The following PDS5A variants were observed in gnomAD, a reference collection of about 807,000 sequenced individuals.
The protein encoded by PDS5A is PDS5 cohesin associated factor A.
PDS5A carries 42 observed loss-of-function variants against 167.1 expected under a neutral mutation model. The observed-to-expected ratio is 0.25, with a 90% CI of 0.20 to 0.33. The LOEUF (loss-of-function observed/expected upper bound fraction) is 0.33. Ranked by LOEUF, PDS5A falls within the 10% of genes least tolerant of loss-of-function variation. PDS5A has a pLI of 1.00. For synonymous variants in PDS5A, 553 were observed against 554.6 expected, an observed-to-expected ratio of 1.00 and a Z score of 0.04; for missense variants, 1,033 against 1,605.9, an observed-to-expected ratio of 0.64 and a Z score of 6.10.
chr4:39,907,277 C>T (rs985332700), intron 11 of PDS5A, among the ~76,000 whole-genome samples: 2 of 152,008 alleles, frequency 1.3e-5, no homozygotes, highest in Non-Finnish European at 2.9e-5. Flanking sequence ...AGGTATCTGC[C>T]TTTTTTTAAA....
At chr4:39,882,983 G>T (rs1409564155) in intron 17 of PDS5A, among the ~76,000 whole-genome samples, 3 of 152,106 alleles carry the variant, frequency 2.0e-5, no homozygotes, top group African/African-American at 4.8e-5. Context: ...AGGAAGAGTA[G>T]TAATGGACGC....
chr4:39,856,724 G>A (rs958495280), intron 26 of PDS5A, among the ~76,000 whole-genome samples: 1 of 152,042 alleles, frequency 6.6e-6, no homozygotes, highest in Admixed American at 6.5e-5. Context: ...GCTGAGGCAG[G>A]AGAATTGCTT....
intron 17 of PDS5A, among the ~76,000 whole-genome samples, chr4:39,888,447 T>C (rs1462302922): frequency 1.3e-5 from 2 of 152,020 alleles, no homozygotes; most frequent in Non-Finnish European, 2.9e-5. Flanking sequence ...CTACTGGGTA[T>C]ATATTTTTTA....
chr4:39,910,431 A>C (rs1233011297), intron 9 of PDS5A, 93 bp from the exon 10 acceptor site: 1 of 654,678 alleles, frequency 1.5e-6, no homozygotes, highest in Non-Finnish European at 2.7e-6. Context: ...TATACGCAAC[A>C]ATAGTTACTG....
At chr4:39,885,041 T>C (rs372254964) in intron 17 of PDS5A, among the ~76,000 whole-genome samples, 6 of 151,906 alleles carry the variant, frequency 3.9e-5, no homozygotes, top group Non-Finnish European at 7.4e-5. Flanking sequence ...GGTGGGCAGA[T>C]TGCTTGAGCA....
chr4:39,907,189 G>C (rs372537814), intron 11 of PDS5A, among the ~76,000 whole-genome samples: 34 of 152,244 alleles, frequency 2.2e-4, no homozygotes, highest in African/African-American at 7.2e-4. Flanking sequence ...ACTAGGGAGA[G>C]AGTCATTTCA....
chr4:39,880,752 G>A (rs1282885137), intron 17 of PDS5A, among the ~76,000 whole-genome samples: 1 of 152,188 alleles, frequency 6.6e-6, no homozygotes, highest in Non-Finnish European at 1.5e-5. Context: ...ATCAGATCAG[G>A]ATAATTAACA....
intron 2 of PDS5A, among the ~76,000 whole-genome samples, chr4:39,941,153 T>G (rs914587791): frequency 6.6e-6 from 1 of 152,256 alleles, no homozygotes; most frequent in African/African-American, 2.4e-5. Flanking sequence ...TACTTGCTTA[T>G]TCTGTCTTTC....
At chr4:39,856,293 T>C (rs182952003) in intron 26 of PDS5A, among the ~76,000 whole-genome samples, 297 of 152,198 alleles carry the variant, frequency 2.0e-3, no homozygotes, top group African/African-American at 7.0e-3. Flanking sequence ...AAAGACAAAA[T>C]CAAAACATTT....
intron 5 of PDS5A, among the ~76,000 whole-genome samples, chr4:39,923,761 A>G (rs34542636): frequency 2.0e-5 from 3 of 152,304 alleles, no homozygotes; most frequent in Admixed American, 6.5e-5. Flanking sequence ...AAAAAAGTAT[A>G]CAATAATAAA....
rs979637804 is a variant in PDS5A, at chr4:39,902,329, A to G, written c.1499+18T>C. 2.7e-6 allele frequency: 3 copies of G among 1,116,846 alleles called. No individual in the cohort carries two copies. The highest frequency in any genetic ancestry group is 4.0e-6 in the Non-Finnish European group (3 of 749,974). 69.2% of individuals were successfully genotyped at this position (1,116,846 alleles called of 1,614,324 possible). A position where few individuals can be genotyped will look rare whatever the true frequency, so the allele number is the denominator to read the frequency against. On this transcript the variant is annotated intron_variant, in intron 13 of 32. Coordinates refer to ENST00000303538, the MANE Select transcript of PDS5A (RefSeq NM_001100399.2). The stretch of plus-strand genomic sequence containing the variant: ...GAAATCCTTAGAAAATACAGCAGTT[A>G]TTTGAAAAGTAACTTACTTTACAGC...
chr4:39,944,469 G>A (rs372716907), intron 2 of PDS5A, among the ~76,000 whole-genome samples: 296 of 152,170 alleles, frequency 1.9e-3, no homozygotes, highest in African/African-American at 6.8e-3. Context: ...CGAGGTGGGC[G>A]GATACCTGAG....
At chr4:39,851,366 C>G (rs574404540) in intron 26 of PDS5A, among the ~76,000 whole-genome samples, 2 of 151,072 alleles carry the variant, frequency 1.3e-5, no homozygotes, top group South Asian at 4.2e-4. Flanking sequence ...GTGGCGTGAT[C>G]ACAGCCCCAG....
At position 39,837,935 on chromosome 4, in the gene PDS5A, C is replaced by G. The variant is rs756186770; in HGVS notation, c.3931G>C (p.Ala1311Pro). 6.2e-7 allele frequency: 1 copy of G among 1,613,892 alleles called. No homozygotes were observed. Among genetic ancestry groups the G allele is most frequent in the African/African-American group, 1.3e-5 (1 of 74,940 alleles). The change falls in exon 32 of 33, where the codon GCA (alanine) becomes CCA (proline). Residue 1311 changes from alanine to proline, a missense_variant. Ala to Pro is a conservative substitution (Grantham distance 27). This residue lies in a region of PDS5A where 233 missense variants were observed against 264.0 expected (regional missense o/e 0.88). Coordinates refer to ENST00000303538, the MANE Select transcript of PDS5A (RefSeq NM_001100399.2). ...VGQESPGGLE[A>P]GNAKAPKLQD... ...AGTTTGGGTGCTTTGGCATTACCTG[C>G]TTCCAAACCCCCAGGGCTCTCCTGA...
intron 5 of PDS5A, 126 bp from the exon 6 acceptor site, chr4:39,922,874 G>A: frequency 1.7e-6 from 2 of 1,152,008 alleles, no homozygotes; most frequent in Admixed American, 3.6e-5. Context: ...TTTCACTTGA[G>A]GGACAGTGCC....
intron 6 of PDS5A, among the ~76,000 whole-genome samples, chr4:39,921,374 A>G (rs1290589515): frequency 6.6e-6 from 1 of 152,146 alleles, no homozygotes; most frequent in African/African-American, 2.4e-5. Context: ...TTGGCAAAGG[A>G]TAAGATTTGC....
intron 5 of PDS5A, among the ~76,000 whole-genome samples, chr4:39,923,094 T>C (rs915209556): frequency 7.2e-5 from 11 of 152,150 alleles, no homozygotes; most frequent in South Asian, 2.1e-4. Flanking sequence ...TTTGGGAGGC[T>C]GAGGCAGGTG....
At chr4:39,942,138 C>T (rs1159293427) in intron 2 of PDS5A, among the ~76,000 whole-genome samples, 1 of 152,084 alleles carries the variant, frequency 6.6e-6, no homozygotes, top group African/African-American at 2.4e-5. Flanking sequence ...ACATTTTAAA[C>T]ATCATAATCA....
chr4:39,848,997 AC>A, intron 27 of PDS5A, 27 bp from the exon 28 acceptor site: 2 of 1,477,270 alleles, frequency 1.4e-6, no homozygotes, highest in Non-Finnish European at 1.8e-6. Context: ...ATCATATATA[AC>A]TTTTAGTATT....
Sources: allele counts gnomAD v4.1 joint callset (sites outside exome capture counted in the v4.1 genomes callset), GRCh38; gene constraint gnomAD v4.1.1; regional missense constraint gnomAD v4.1.1; transcripts MANE v1.5; gene names NCBI Gene and HGNC (gene_info 2026-07-23, HGNC 2026-07-21).